ANO1: variants seen among roughly 807,000 people sequenced by gnomAD.
The protein encoded by ANO1 is anoctamin-1.
ANO1 carries 59 observed loss-of-function variants against 124.0 expected under a neutral mutation model. That is an observed-to-expected ratio of 0.48 (90% confidence interval 0.39 to 0.59). The LOEUF is 0.59. Ranked by LOEUF, ANO1 falls within the 20% of genes least tolerant of loss-of-function variation. ANO1 has a pLI of 0.00. For missense variants in ANO1, 1,059 were observed against 1,328.0 expected, an observed-to-expected ratio of 0.80 and a Z score of 3.15; for synonymous variants, 529 against 532.0, an observed-to-expected ratio of 0.99 and a Z score of 0.08.
intron 1 of ANO1, chr11:70,072,528 T>C (rs1230864581): frequency 6.6e-6 from 1 of 152,184 alleles, no homozygotes; most frequent in Non-Finnish European, 1.5e-5. Context: ...AGCCTCACAG[T>C]CGGCCCAGGA....
intron 19 of ANO1, among the ~76,000 whole-genome samples, chr11:70,164,193 C>T (rs1465607831): frequency 3.3e-5 from 5 of 152,184 alleles, no homozygotes; most frequent in Admixed American, 3.3e-4. Flanking sequence ...GCTTCAGAGC[C>T]TATCAGTGGT....
At chr11:70,148,105 GGTTCACAC>G (rs1476274541) in intron 11 of ANO1, among the ~76,000 whole-genome samples, 1 of 152,154 alleles carries the variant, frequency 6.6e-6, no homozygotes, top group Non-Finnish European at 1.5e-5. Context: ...CTCTGAACCA[GGTTCACAC>G]CCATGACTTT....
chr11:70,121,774 GTC>G (rs1387220094), intron 8 of ANO1, among the ~76,000 whole-genome samples: 1 of 97,940 alleles, frequency 1.0e-5, no homozygotes, highest in East Asian at 2.9e-4. Flanking sequence ...CTCTCTGTCT[GTC>G]TCTCTATCTC....
At chr11:70,061,057 AGTT>A (rs1395487000) in intron 1 of ANO1, among the ~76,000 whole-genome samples, 1 of 152,150 alleles carries the variant, frequency 6.6e-6, no homozygotes, top group African/African-American at 2.4e-5. Context: ...GAACTAAAGA[AGTT>A]GTTGTTTGGT....
chr11:69,971,390 C>T, the ANO1 span, among the ~76,000 whole-genome samples: 1 of 152,176 alleles, frequency 6.6e-6, no homozygotes, highest in South Asian at 2.1e-4. Flanking sequence ...TATCCTAGAA[C>T]TGTGCCTGGC....
rs1254591629 is a variant in ANO1 at position 70,073,037 on chromosome 11, C to T, written c.59-5505C>T. 5.9e-5 allele frequency: 9 copies of T among 152,246 alleles called. No homozygotes were observed. In the East Asian group the frequency reaches 7.7e-4, roughly 13 times the overall value. 9.4% of individuals were successfully genotyped at this position (152,246 alleles called of 1,614,324 possible). ...GGCACAAGCTCAGACTGAAGCCGCCCGCCTCTGCGAGATGGAAGTTCCTTA... is the reference window on the plus strand; with the variant it reads ...GGCACAAGCTCAGACTGAAGCCGCCTGCCTCTGCGAGATGGAAGTTCCTTA... On this transcript the variant is annotated intron_variant, in intron 1 of 27. Coordinates refer to the ANO1 transcript ENST00000531349.
intron 2 of ANO1, among the ~76,000 whole-genome samples, chr11:70,097,008 A>G (rs2045007268): frequency 2.0e-5 from 3 of 152,116 alleles, no homozygotes; most frequent in Non-Finnish European, 4.4e-5. Flanking sequence ...AGGTCATTGA[A>G]TTTCTTGTTT....
chr11:69,996,913 G>A (rs1456481775), intron 1 of ANO1, among the ~76,000 whole-genome samples: 1 of 152,194 alleles, frequency 6.6e-6, no homozygotes, highest in East Asian at 1.9e-4. Context: ...AGGGAAGCTT[G>A]TACGGAAAAT....
chr11:70,161,599 T>C, intron 17 of ANO1, 23 bp from the exon 18 acceptor site: 1 of 1,610,982 alleles, frequency 6.2e-7, no homozygotes, highest in Non-Finnish European at 8.5e-7. Context: ...ACAGCCTCAG[T>C]ATCATCCTAC....
chr11:70,142,722 G>T (rs2047203064), intron 11 of ANO1, among the ~76,000 whole-genome samples: 1 of 152,204 alleles, frequency 6.6e-6, no homozygotes, highest in African/African-American at 2.4e-5. Flanking sequence ...CAACAGGCAT[G>T]CATTTCCCAC....
chr11:69,966,454 T>A, the ANO1 span, among the ~76,000 whole-genome samples: 1,595 of 152,198 alleles, frequency 0.01, 35 homozygotes, highest in African/African-American at 0.037. Flanking sequence ...GCAGCCTGGG[T>A]CCAGCCCCCG....
intron 1 of ANO1, among the ~76,000 whole-genome samples, chr11:70,086,157 C>T (rs1204024563): frequency 1.3e-5 from 2 of 152,224 alleles, no homozygotes; most frequent in Non-Finnish European, 2.9e-5. Context: ...AACCAGGCGG[C>T]CAGCTCGAGG....
At chr11:70,061,690 G>A (rs1857581758) in intron 1 of ANO1, among the ~76,000 whole-genome samples, 1 of 152,118 alleles carries the variant, frequency 6.6e-6, no homozygotes, top group Non-Finnish European at 1.5e-5. Context: ...TCTTGACACA[G>A]CAGCTACTCT....
the ANO1 span, among the ~76,000 whole-genome samples, chr11:69,974,173 G>A: frequency 6.6e-6 from 1 of 151,894 alleles, no homozygotes; most frequent in Non-Finnish European, 1.5e-5. Flanking sequence ...ACAAAAATTA[G>A]CCAGGTGTGG....
intron 24 of ANO1, among the ~76,000 whole-genome samples, chr11:70,183,211 G>A (rs911356276): frequency 6.6e-6 from 1 of 152,202 alleles, no homozygotes; most frequent in African/African-American, 2.4e-5. Flanking sequence ...GGATCCAGGA[G>A]CTACAGTTTG....
intron 1 of ANO1, among the ~76,000 whole-genome samples, chr11:70,025,990 T>C (rs1555003160): frequency 6.7e-6 from 1 of 148,402 alleles, no homozygotes; most frequent in East Asian, 2.0e-4. Context: ...GTGGTAGTGG[T>C]GGTGATGATG....
chr11:70,096,633 G>A (rs1184699944), intron 2 of ANO1, among the ~76,000 whole-genome samples: 1 of 152,164 alleles, frequency 6.6e-6, no homozygotes, highest in Non-Finnish European at 1.5e-5. Flanking sequence ...GGCTGAGGTG[G>A]GAGGATCACC....
intron 5 of ANO1, among the ~76,000 whole-genome samples, chr11:70,106,688 T>G (rs960428834): frequency 3.2e-4 from 48 of 152,222 alleles, no homozygotes; most frequent in African/African-American, 1.1e-3. Context: ...ATTCATAGCT[T>G]TGGCCTTGGT....
chr11:69,992,098 G>C (rs1156853688), intron 1 of ANO1, among the ~76,000 whole-genome samples: 1 of 152,240 alleles, frequency 6.6e-6, no homozygotes, highest in Non-Finnish European at 1.5e-5. Flanking sequence ...CCCAGGGCCT[G>C]GCCATGGCAG....
Sources: gnomAD v4.1 joint callset for allele counts (sites outside exome capture counted in the v4.1 genomes callset) on GRCh38, gnomAD v4.1.1 for gene constraint, MANE v1.5 for transcripts, NCBI Gene and HGNC (gene_info 2026-07-23, HGNC 2026-07-21) for gene names.